The following COL23A1 variants were observed in gnomAD, a reference collection of about 807,000 sequenced individuals.
The protein encoded by COL23A1 is collagen type XXIII alpha 1 chain, also known as collagen alpha-1(XXIII) chain.
A neutral mutation model predicts 99.3 loss-of-function variants in COL23A1; 97 were observed. That is an observed-to-expected ratio of 0.98 (90% confidence interval 0.83 to 1.16). The LOEUF (loss-of-function observed/expected upper bound fraction) is 1.16, where lower values mean the gene tolerates loss of function less well. Among genes scored for constraint, COL23A1 ranks in the 50% most tolerant of loss-of-function variants. The pLI, the probability that COL23A1 is intolerant of heterozygous loss-of-function variation, is 0.00. For missense variants in COL23A1, 762 were observed against 757.4 expected (o/e 1.01, Z -0.07); for synonymous variants, 320 against 308.2 (o/e 1.04, Z -0.40).
At chr5:178,427,859 G>A (rs553968546) in intron 2 of COL23A1, among the ~76,000 whole-genome samples, 10 of 152,288 alleles carry the variant, frequency 6.6e-5, no homozygotes, top group African/African-American at 2.2e-4. Context: ...AAACTATTCT[G>A]TATGATACTA....
At chr5:178,327,614 G>A (rs2973688) in intron 2 of COL23A1, among the ~76,000 whole-genome samples, 41,210 of 152,082 alleles carry the variant, frequency 0.27, 5,602 homozygotes, top group East Asian at 0.33. Context: ...GGAGGAGACC[G>A]GGGCTCAGGC....
intron 2 of COL23A1, among the ~76,000 whole-genome samples, chr5:178,399,214 C>G (rs1455013330): frequency 6.6e-6 from 1 of 152,240 alleles, no homozygotes; most frequent in African/African-American, 2.4e-5. Flanking sequence ...GCCCCAGGAC[C>G]TGCCTTCTGC....
intron 2 of COL23A1, among the ~76,000 whole-genome samples, chr5:178,407,066 T>C (rs1427778355): frequency 6.6e-6 from 1 of 152,180 alleles, no homozygotes; most frequent in Non-Finnish European, 1.5e-5. Context: ...TTCGGTCTCA[T>C]ATATGCAGAA....
At chr5:178,541,805 C>T (rs148331739) in intron 2 of COL23A1, among the ~76,000 whole-genome samples, 1 of 152,264 alleles carries the variant, frequency 6.6e-6, no homozygotes. Flanking sequence ...ATGAATCTCA[C>T]AAACAATGCT....
chr5:178,307,011 G>T lies in COL23A1; in HGVS notation c.362-92C>A, dbSNP rs536124793. ...GCCCCAGCCACCCACCTGTCCGCTC[G>T]CAACAGCTTTCTGGGAGTGGCCTGC... On this transcript the variant is annotated intron_variant, in intron 2 of 28. Transcript: ENST00000390654. This position sits in a 1 kb window ranked among gnomAD's most constrained non-coding sequence, Gnocchi z 4.2. The T allele has an allele frequency of 3.7e-5, 35 of 955,948 alleles. No individual in the cohort carries two copies. In the African/African-American group the frequency reaches 4.2e-4, roughly 11 times the overall value. 59.2% of individuals were successfully genotyped at this position (955,948 alleles called of 1,614,324 possible).
chr5:178,311,157 G>A (rs1221621961), intron 2 of COL23A1, among the ~76,000 whole-genome samples: 2 of 152,224 alleles, frequency 1.3e-5, no homozygotes, highest in Non-Finnish European at 2.9e-5. Context: ...TGCCACCACA[G>A]TGGCATCTGC....
chr5:178,472,673 A>G (rs989708518), intron 2 of COL23A1, among the ~76,000 whole-genome samples: 2 of 152,160 alleles, frequency 1.3e-5, no homozygotes, highest in African/African-American at 4.8e-5. Flanking sequence ...TAGATGGGAA[A>G]TGTGAGGCTC....
At chr5:178,254,288 C>A (rs529623479) in intron 16 of COL23A1, among the ~76,000 whole-genome samples, 1 of 152,184 alleles carries the variant, frequency 6.6e-6, no homozygotes, top group African/African-American at 2.4e-5. Context: ...CACCACGCCA[C>A]GCCACGCCAC....
intron 2 of COL23A1, among the ~76,000 whole-genome samples, chr5:178,546,095 T>A (rs757344982): frequency 6.6e-6 from 1 of 151,394 alleles, no homozygotes; most frequent in African/African-American, 2.4e-5. Context: ...GTCTCAGCCC[T>A]GCCCTGGAAG....
chr5:178,245,134 CTCA>C (rs959896249), intron 25 of COL23A1, among the ~76,000 whole-genome samples: 5 of 147,538 alleles, frequency 3.4e-5, no homozygotes, highest in East Asian at 2.0e-4. Flanking sequence ...CATCCATCCA[CTCA>C]TCATCTATCA....
chr5:178,499,468 A>G (rs956811459), intron 2 of COL23A1, among the ~76,000 whole-genome samples: 2 of 152,238 alleles, frequency 1.3e-5, no homozygotes, highest in Non-Finnish European at 2.9e-5. Context: ...CATCTCCATC[A>G]GCCCAGTTCA....
intron 27 of COL23A1, among the ~76,000 whole-genome samples, chr5:178,241,390 C>G (rs1031058756): frequency 1.3e-5 from 2 of 151,924 alleles, no homozygotes; most frequent in Admixed American, 1.3e-4. Flanking sequence ...AGGTGCTGCC[C>G]CAGCCCAGAG....
At chr5:178,293,321 A>G (rs988454641) in intron 3 of COL23A1, among the ~76,000 whole-genome samples, 1 of 152,008 alleles carries the variant, frequency 6.6e-6, no homozygotes, top group African/African-American at 2.4e-5. Flanking sequence ...GGGGGCCTGG[A>G]CAGTCCATCT....
Position 178,306,917 on chromosome 5 carries a change from GC to G in COL23A1, c.363del (p.Pro123LeufsTer186). 1 of 1,531,014 alleles carries G rather than the reference GC, an allele frequency of 6.5e-7. No homozygotes were observed. 94.8% of individuals were successfully genotyped at this position (1,531,014 alleles called of 1,614,324 possible). On this transcript the variant is annotated frameshift_variant and splice_region_variant, in exon 3 of 29. Coordinates refer to ENST00000390654, the MANE Select transcript of COL23A1 (RefSeq NM_173465.4). LOFTEE classifies it high-confidence loss of function. This position sits in a 1 kb window ranked among gnomAD's most constrained non-coding sequence, Gnocchi z 4.1. ...CCAGGCTTGCCGCGCCGTCCAGGGG[GC>G]CCTAGACAGGAAAACAAGAATGCAT... ...EAPSECVCPP[G>X]PPGRRGKPGR...
chr5:178,546,198 T>C lies in COL23A1; in HGVS notation c.361+14484A>G, dbSNP rs186896524. Among the ~76,000 whole-genome samples the C allele has an allele frequency of 7.2e-5, 11 of 152,174 alleles. No individual in the cohort carries two copies. The East Asian group carries it at 1.7e-3, about 24-fold the overall frequency. ...AACAGAGCCATGCACACATGAAATA[T>C]GGGGTGGCGGGGGGCAGATATGTGT... is the stretch of plus-strand genomic sequence containing the variant. On this transcript the variant is annotated intron_variant, in intron 2 of 28. Coordinates refer to ENST00000390654, the MANE Select transcript of COL23A1 (RefSeq NM_173465.4).
chr5:178,300,985 A>G (rs1031410642), intron 3 of COL23A1, among the ~76,000 whole-genome samples: 1 of 151,812 alleles, frequency 6.6e-6, no homozygotes, highest in Non-Finnish European at 1.5e-5. Context: ...GGTTTTCTTC[A>G]AAATTGAGAA....
chr5:178,578,216 A>C (rs1237341731), intron 1 of COL23A1, among the ~76,000 whole-genome samples: 2 of 151,910 alleles, frequency 1.3e-5, no homozygotes, highest in East Asian at 3.9e-4. Context: ...CCATGTACAC[A>C]CACATATGCA....
intron 2 of COL23A1, among the ~76,000 whole-genome samples, chr5:178,324,088 C>T (rs1759500947): frequency 6.6e-6 from 1 of 152,002 alleles, no homozygotes; most frequent in African/African-American, 2.4e-5. Context: ...ACAAGCAGCT[C>T]CTTTCCCTCT....
intron 2 of COL23A1, among the ~76,000 whole-genome samples, chr5:178,413,014 C>A (rs1041961888): frequency 7.5e-5 from 4 of 53,646 alleles, no homozygotes; most frequent in Non-Finnish European, 1.4e-4. Flanking sequence ...ATAGCAAGAC[C>A]CATTTCTACA....
Sources: gnomAD v4.1 joint callset for allele counts (sites outside exome capture counted in the v4.1 genomes callset) on GRCh38, gnomAD v4.1.1 for gene constraint, Gnocchi (gnomAD v3.1) non-coding constraint, MANE v1.5 for transcripts, NCBI Gene and HGNC (gene_info 2026-07-23, HGNC 2026-07-21) for gene names.